ADAM29: variants seen among roughly 807,000 people sequenced by gnomAD.
ADAM29 encodes ADAM metallopeptidase domain 29.
For missense variants in ADAM29, 969 were observed against 1,001.8 expected (o/e 0.97, Z 0.44); for synonymous variants, 367 against 342.3 (o/e 1.07, Z -0.80).
At chr4:174,924,851 T>C (rs1004395011) in intron 2 of ADAM29, among the ~76,000 whole-genome samples, 1 of 152,176 alleles carries the variant, frequency 6.6e-6, no homozygotes, top group African/African-American at 2.4e-5. Context: ...GTTGACACCC[T>C]TTCAAAGGCT....
intron 4 of ADAM29, among the ~76,000 whole-genome samples, chr4:174,958,527 C>T (rs13138382): frequency 0.42 from 63,458 of 151,608 alleles, 13,858 homozygotes; most frequent in African/African-American, 0.54. Context: ...TCATAATCTT[C>T]ACATTTAAAA....
At chr4:174,959,485 T>TGTGTG (rs1560883454) in intron 4 of ADAM29, among the ~76,000 whole-genome samples, 92 of 126,680 alleles carry the variant, frequency 7.3e-4, no homozygotes, top group African/African-American at 2.7e-3. Flanking sequence ...GTGTGTGTGT[T>TGTGTG]TGTGTGTTTG....
intron 3 of ADAM29, among the ~76,000 whole-genome samples, chr4:174,933,508 C>T (rs1036191546): frequency 3.3e-5 from 5 of 152,014 alleles, no homozygotes; most frequent in African/African-American, 7.2e-5. Context: ...CAGGGGTACA[C>T]GAGCATGTTT....
intron 2 of ADAM29, among the ~76,000 whole-genome samples, chr4:174,926,505 T>G (rs1020437827): frequency 1.3e-5 from 2 of 151,998 alleles, no homozygotes; most frequent in African/African-American, 4.8e-5. Context: ...GTATTGACAC[T>G]CTAAAACAAT....
chr4:174,947,775 G>T (rs1199465641), intron 4 of ADAM29, among the ~76,000 whole-genome samples: 2 of 152,188 alleles, frequency 1.3e-5, no homozygotes, highest in African/African-American at 4.8e-5. Context: ...CATGTGCCAA[G>T]ATCATGTCCT....
chr4:174,964,308 C>T lies in ADAM29; in HGVS notation c.-180-11038C>T, dbSNP rs184813199. ...GTACAGAAAAAAAAACCATGTAAGG[C>T]CCCAGTCAGAAGACAGCCATCTACA... is the stretch of plus-strand genomic sequence containing the variant. On this transcript the variant is annotated intron_variant, in intron 4 of 4. Transcript: ENST00000359240. Among the ~76,000 whole-genome samples the T allele has an allele frequency of 5.2e-3, 795 of 152,024 alleles. 12 individuals carry two copies. Among genetic ancestry groups the T allele is most frequent in the African/African-American group, 0.018 (725 of 41,418 alleles).
intron 2 of ADAM29, among the ~76,000 whole-genome samples, chr4:174,925,057 C>T (rs1444079333): frequency 6.6e-6 from 1 of 152,124 alleles, no homozygotes; most frequent in African/African-American, 2.4e-5. Context: ...AATTGAGGGA[C>T]ATTCAACAAA....
intron 4 of ADAM29, among the ~76,000 whole-genome samples, chr4:174,945,037 A>T (rs1579037738): frequency 6.6e-6 from 1 of 152,254 alleles, no homozygotes; most frequent in South Asian, 2.1e-4. Context: ...ATGAGTATAT[A>T]CCCAATAGGA....
chr4:174,955,297 C>T (rs2111035553), intron 4 of ADAM29, among the ~76,000 whole-genome samples: 1 of 151,884 alleles, frequency 6.6e-6, no homozygotes, highest in Non-Finnish European at 1.5e-5. Context: ...TACTCCTGAC[C>T]TAGAATAATT....
intron 4 of ADAM29, among the ~76,000 whole-genome samples, chr4:174,970,792 T>TA (rs1312435834): frequency 6.6e-6 from 1 of 152,204 alleles, no homozygotes; most frequent in Non-Finnish European, 1.5e-5. Flanking sequence ...AGTGTTATCT[T>TA]ACGATCCATT....
chr4:174,922,033 T>C (rs1443126266), intron 2 of ADAM29, among the ~76,000 whole-genome samples: 1 of 152,218 alleles, frequency 6.6e-6, no homozygotes, highest in African/African-American at 2.4e-5. Context: ...AATTAGTTAA[T>C]GATTCTTTTT....
chr4:174,970,107 T>G (rs569443706), intron 4 of ADAM29, among the ~76,000 whole-genome samples: 104 of 152,150 alleles, frequency 6.8e-4, no homozygotes, highest in African/African-American at 2.4e-3. Context: ...GAAGAAAAAT[T>G]CACAGAAAGA....
chr4:174,975,567 G>A lies in ADAM29; in HGVS notation c.42G>A (p.Leu14=), dbSNP rs754115720. 6.4e-7 allele frequency: 1 copy of A among 1,550,708 alleles called. No homozygotes were observed. The highest frequency in any genetic ancestry group is 1.3e-5 in the South Asian group (1 of 79,966). Residue 14 remains leucine, a synonymous_variant, in exon 5 of 5, where the codon CTG becomes CTA. Transcript: ENST00000359240. ...LLLLHCLGVF[L]SCSGHIQDEH... ...TGCTGCATTGCCTTGGGGTGTTTCT[G>A]TCCTGTTCTGGACACATCCAGGATG... is the stretch of plus-strand genomic sequence containing the variant.
chr4:174,944,522 T>A (rs961055999), intron 4 of ADAM29, among the ~76,000 whole-genome samples: 1 of 151,830 alleles, frequency 6.6e-6, no homozygotes, highest in Non-Finnish European at 1.5e-5. Flanking sequence ...TTATTTGTAT[T>A]TTTTTTTAAT....
intron 4 of ADAM29, among the ~76,000 whole-genome samples, chr4:174,938,329 T>A (rs1290099310): frequency 6.6e-6 from 1 of 152,096 alleles, no homozygotes; most frequent in Non-Finnish European, 1.5e-5. Flanking sequence ...AGAAATGGAA[T>A]GGGAATGTGA....
chr4:174,936,730 A>G (rs1454395208), intron 3 of ADAM29, among the ~76,000 whole-genome samples: 1 of 151,934 alleles, frequency 6.6e-6, no homozygotes, highest in African/African-American at 2.4e-5. Context: ...AGTTCATGTC[A>G]TGTCACCAAA....
At chr4:174,939,732 T>C (rs1365847201) in intron 4 of ADAM29, among the ~76,000 whole-genome samples, 1 of 152,110 alleles carries the variant, frequency 6.6e-6, no homozygotes, top group Non-Finnish European at 1.5e-5. Context: ...GCAGATCAGA[T>C]TTCACAAGGA....
chr4:174,952,601 T>G (rs745791658), intron 4 of ADAM29, among the ~76,000 whole-genome samples: 30 of 152,262 alleles, frequency 2.0e-4, no homozygotes, highest in Middle Eastern at 3.4e-3. Context: ...GGAAACTAAC[T>G]TCACTCAGAG....
chr4:174,953,284 T>C (rs1745296265), intron 4 of ADAM29, among the ~76,000 whole-genome samples: 1 of 151,840 alleles, frequency 6.6e-6, no homozygotes, highest in Non-Finnish European at 1.5e-5. Flanking sequence ...AGACTCTGTC[T>C]AAAAACAAAA....
Sources: gnomAD v4.1 joint callset for allele counts (sites outside exome capture counted in the v4.1 genomes callset) on GRCh38, gnomAD v4.1.1 for gene constraint, MANE v1.5 for transcripts, NCBI Gene and HGNC (gene_info 2026-07-23, HGNC 2026-07-21) for gene names.